The following LRCH1 variants were observed in gnomAD, a reference collection of about 807,000 sequenced individuals.
LRCH1 encodes the protein leucine-rich repeat and calponin homology domain-containing protein 1.
LRCH1 carries 23 observed loss-of-function variants against 94.9 expected under a neutral mutation model. The observed-to-expected ratio is 0.24, with a 90% CI of 0.17 to 0.34. The LOEUF is 0.34. Ranked by LOEUF, LRCH1 falls within the 10% of genes least tolerant of loss-of-function variation. The probability of loss-of-function intolerance (pLI) is 1.00; values close to 1 mark genes in which losing one functional copy is unlikely to be tolerated. For synonymous variants in LRCH1, 364 were observed against 354.9 expected (o/e 1.03, Z -0.29); for missense variants, 790 against 945.9 (o/e 0.84, Z 2.16).
chr13:46,601,637 C>T (rs182057238), intron 1 of LRCH1, among the ~76,000 whole-genome samples: 532 of 152,306 alleles, frequency 3.5e-3, no homozygotes, highest in Middle Eastern at 0.01. Context: ...TCACAAAACC[C>T]TAAATGAATT....
chr13:46,592,067 C>G (rs2050506047), intron 1 of LRCH1, among the ~76,000 whole-genome samples: 1 of 152,224 alleles, frequency 6.6e-6, no homozygotes, highest in Non-Finnish European at 1.5e-5. Context: ...TTCCGTAGCT[C>G]AAGTCCTCAT....
chr13:46,573,866 A>ATATATATATATATTTTTT, intron 1 of LRCH1, among the ~76,000 whole-genome samples: 11 of 63,388 alleles, frequency 1.7e-4, no homozygotes, highest in African/African-American at 3.6e-4. Context: ...ATATATATAT[A>ATATATATATATATTTTTT]TTTTTTTTTT....
At position 46,651,292 on chromosome 13, in the gene LRCH1, T is replaced by C. The variant is rs553306032; in HGVS notation, c.452+947T>C. Among the ~76,000 whole-genome samples, 11 of 152,296 alleles carry C rather than the reference T, an allele frequency of 7.2e-5. No individual in the cohort carries two copies. In the South Asian group the frequency reaches 1.5e-3, roughly 20 times the overall value. On this transcript the variant is annotated intron_variant, in intron 2 of 19. Transcript: ENST00000389797. The stretch of plus-strand genomic sequence containing the variant: ...AATGAACCAGGTATAATGTCAGTGG[T>C]TTTTTAGTTTTGTTTTTAGTTTTGA...
chr13:46,611,859 T>C (rs555117292), intron 1 of LRCH1, among the ~76,000 whole-genome samples: 1 of 152,358 alleles, frequency 6.6e-6, no homozygotes, highest in East Asian at 1.9e-4. Context: ...TACATAATGT[T>C]TCTGTTATTG....
intron 2 of LRCH1, among the ~76,000 whole-genome samples, chr13:46,650,707 A>G (rs1232295062): frequency 1.4e-5 from 2 of 143,176 alleles, no homozygotes; most frequent in African/African-American, 2.6e-5. Context: ...TTTGGTTGTC[A>G]GGACAAACAA....
intron 1 of LRCH1, 107 bp from the exon 2 acceptor site, chr13:46,650,094 T>C: frequency 2.9e-6 from 2 of 697,294 alleles, no homozygotes; most frequent in African/African-American, 3.7e-5. Context: ...AAAATGATAA[T>C]GTTGGTCAAA....
rs115298590 is a variant in LRCH1, at chr13:46,623,647, C to T, written c.308-26554C>T. 4.9e-3 allele frequency among the ~76,000 whole-genome samples: 743 copies of T among 150,700 alleles called. 4 individuals carry two copies. The highest frequency in any genetic ancestry group is 0.017 in the African/African-American group (707 of 40,996). On this transcript the variant is annotated intron_variant, in intron 1 of 19. Transcript: ENST00000389797. Reference sequence around the variant, plus strand: ...ATCATTTGTTCCACCACTGCTGCCCCGCCCCCTTTTCTTGACTCAAAGAAT... The same window carrying T: ...ATCATTTGTTCCACCACTGCTGCCCTGCCCCCTTTTCTTGACTCAAAGAAT...
At chr13:46,608,048 G>A (rs1390552897) in intron 1 of LRCH1, among the ~76,000 whole-genome samples, 1 of 152,200 alleles carries the variant, frequency 6.6e-6, no homozygotes, top group Non-Finnish European at 1.5e-5. Context: ...AGGAGGCTGG[G>A]ACCTGTGGGG....
rs1166237965 is a variant in LRCH1, at chr13:46,554,191, A to T, written c.307+488A>T. Among the ~76,000 whole-genome samples, 4 of 152,388 alleles carry T rather than the reference A, an allele frequency of 2.6e-5. No individual in the cohort carries two copies. The South Asian group carries it at 8.3e-4, about 32-fold the overall frequency. On this transcript the variant is annotated intron_variant, in intron 1 of 19. Coordinates refer to ENST00000389797, the MANE Select transcript of LRCH1 (RefSeq NM_001164211.2). The stretch of plus-strand genomic sequence containing the variant: ...GTAGCCCATCCTGGTGGGGAAACCC[A>T]GACAAAGGTGGCACGCCCTCGGCCG...
chr13:46,740,360 C>T (rs1419660611), intron 19 of LRCH1, among the ~76,000 whole-genome samples: 1 of 152,170 alleles, frequency 6.6e-6, no homozygotes, highest in East Asian at 1.9e-4. Context: ...TCTCTAACTT[C>T]ATTAATAAAA....
chr13:46,712,449 A>G (rs1872115009), intron 14 of LRCH1, 76 bp from the exon 15 acceptor site: 1 of 1,162,646 alleles, frequency 8.6e-7, no homozygotes, highest in Admixed American at 1.9e-5. Context: ...ACAATCCTTG[A>G]ACATAGAAAA....
intron 9 of LRCH1, among the ~76,000 whole-genome samples, chr13:46,695,257 T>G (rs1170113424): frequency 6.6e-6 from 1 of 152,222 alleles, no homozygotes; most frequent in Non-Finnish European, 1.5e-5. Flanking sequence ...CGCTACTCAG[T>G]GCATCGTACA....
intron 1 of LRCH1, among the ~76,000 whole-genome samples, chr13:46,592,624 A>G (rs577495440): frequency 1.0e-3 from 155 of 152,324 alleles, no homozygotes; most frequent in African/African-American, 3.5e-3. Context: ...AAATATGTGA[A>G]GCACTTAAAA....
At chr13:46,716,399 C>T (rs200618982) in intron 16 of LRCH1, among the ~76,000 whole-genome samples, 5 of 152,112 alleles carry the variant, frequency 3.3e-5, no homozygotes, top group East Asian at 1.9e-4. Context: ...TCGTAATCTC[C>T]ATTCTAGTCT....
chr13:46,658,235 A>T (rs1268339204), intron 2 of LRCH1, among the ~76,000 whole-genome samples: 1 of 152,004 alleles, frequency 6.6e-6, no homozygotes, highest in South Asian at 2.1e-4. Context: ...TTCTTTATCC[A>T]CTTTTATGGA....
chr13:46,632,366 G>C (rs891305576), intron 1 of LRCH1, among the ~76,000 whole-genome samples: 2 of 152,164 alleles, frequency 1.3e-5, no homozygotes, highest in African/African-American at 4.8e-5. Flanking sequence ...CCATATGTCT[G>C]CCCCATACAT....
Position 46,705,107 on chromosome 13 carries a change from A to G in LRCH1, c.1440A>G (p.Leu480=), listed in dbSNP as rs1871683636. The stretch of plus-strand genomic sequence containing the variant: ...TTACAGAGAGAAGTGTTTTAAACCT[A>G]TATCCTATGGGATCAGCAGAAGCCT... ...TDITERSVLN[L]YPMGSAEALE... is the part of the protein sequence containing the mutation. Residue 480 remains leucine (L), a synonymous_variant, in exon 12 of 20, where the codon CTA becomes CTG. Coordinates refer to ENST00000389797, the MANE Select transcript of LRCH1 (RefSeq NM_001164211.2). The G allele has an allele frequency of 1.9e-6, 3 of 1,608,194 alleles. No homozygotes were observed. The highest frequency in any genetic ancestry group is 1.1e-5 in the South Asian group (1 of 89,378).
chr13:46,669,278 GTA>G, intron 3 of LRCH1, 122 bp downstream of exon 3: 1 of 1,139,398 alleles, frequency 8.8e-7, no homozygotes, highest in Admixed American at 2.2e-5. Context: ...TTGAGGGCAG[GTA>G]TATGATAAAG....
chr13:46,718,123 GAAGTTAAAAACCATTTCTA>G (rs1566246952), intron 16 of LRCH1, among the ~76,000 whole-genome samples: 2 of 149,276 alleles, frequency 1.3e-5, no homozygotes, highest in African/African-American at 5.2e-5. Context: ...CCTTCACTTT[GAAGTTAAAAACCATTTCTA>G]TCTTCTTTGG....
Sources: allele counts gnomAD v4.1 joint callset (sites outside exome capture counted in the v4.1 genomes callset), GRCh38; gene constraint gnomAD v4.1.1; transcripts MANE v1.5; gene names NCBI Gene and HGNC (gene_info 2026-07-23, HGNC 2026-07-21).